GBGT1: variants seen among roughly 807,000 people sequenced by gnomAD.
GBGT1 encodes the protein globoside alpha-1,3-N-acetylgalactosaminyltransferase 1.
A neutral mutation model predicts 20.9 loss-of-function variants in GBGT1; 18 were observed. That is an observed-to-expected ratio of 0.86 (90% CI 0.60 to 1.28). The LOEUF (loss-of-function observed/expected upper bound fraction) is 1.28, where lower values mean the gene tolerates loss of function less well. Among genes scored for constraint, GBGT1 ranks in the 50% most tolerant of loss-of-function variants. The pLI, the probability that GBGT1 is intolerant of heterozygous loss-of-function variation, is 0.00. For synonymous variants in GBGT1, 168 were observed against 180.8 expected (o/e 0.93, Z 0.57); for missense variants, 432 against 455.7 (o/e 0.95, Z 0.47).
rs753817883 is a variant in GBGT1, at chr9:133,153,533, G to T, written c.*44C>A. On this transcript the variant is annotated 3_prime_UTR_variant, in exon 7 of 7. Transcript: ENST00000372040. ...GCACGCTAGTGAAGCACTGGTGGCT[G>T]CAGGTCTTTGGGTCCCCATCCATGG... The T allele has an allele frequency of 2.2e-6, 3 of 1,382,210 alleles. No individual in the cohort carries two copies. Among genetic ancestry groups the T allele is most frequent in the Non-Finnish European group, 3.0e-6 (3 of 1,011,990 alleles). The allele number at this position is 1,382,210 out of a possible 1,614,324, so 85.6% of individuals were successfully genotyped here.
At chr9:133,160,110 T>A (rs1448782135) in intron 3 of GBGT1, 1 of 323,388 alleles carries the variant, frequency 3.1e-6, no homozygotes, top group Non-Finnish European at 6.4e-6. Context: ...GCCAACATGA[T>A]GAAATGCTGT....
At position 133,153,863 on chromosome 9, in the gene GBGT1, T is replaced by C; in HGVS notation, c.758A>G (p.Asp253Gly). ...RRRVSTAFVA[D>G]SEGDFYYGGA... is the part of the protein sequence containing the mutation. ...ACCATAATAGAAGTCCCCTTCGCTG[T>C]CTGCCACAAAGGCAGTGGAAACACG... The change falls in exon 7 of 7, where the codon GAC (aspartate) becomes GGC (glycine). Residue 253 changes from aspartate to glycine, a missense_variant. Asp to Gly is a moderately conservative substitution (Grantham distance 94). Transcript: ENST00000372040. 2 of 1,600,438 alleles carry C rather than the reference T, an allele frequency of 1.2e-6. No homozygotes were observed. Among genetic ancestry groups the C allele is most frequent in the Non-Finnish European group, 8.5e-7 (1 of 1,170,064 alleles).
At chr9:133,156,545 A>T (rs1374784426) in intron 3 of GBGT1, among the ~76,000 whole-genome samples, 3 of 152,062 alleles carry the variant, frequency 2.0e-5, no homozygotes, top group South Asian at 2.1e-4. Flanking sequence ...CTGTAATCCC[A>T]GCTACTCGGG....
chr9:133,153,804 A>G lies in GBGT1; in HGVS notation c.817T>C (p.Tyr273His), dbSNP rs771269543. The change falls in exon 7 of 7, where the codon TAT (tyrosine) becomes CAT (histidine). Residue 273 changes from tyrosine to histidine, a missense_variant. Physicochemically the swap from Tyr to His is moderately conservative, Grantham distance 83 (BLOSUM62 2). Coordinates refer to ENST00000372040, the MANE Select transcript of GBGT1 (RefSeq NM_021996.6). ...ATGTGGCAGCCCCTAGTAAACTCAT[A>G]TACCCTGGCCACCTGCCCCCCGAAG... Reference protein sequence around the residue: ...AVFGGQVARVYEFTRGCHMAI... With the variant: ...AVFGGQVARVHEFTRGCHMAI... 10 of 1,595,610 alleles carry G rather than the reference A, an allele frequency of 6.3e-6. No individual in the cohort carries two copies. In the African/African-American group the frequency reaches 9.4e-5, roughly 15 times the overall value.
intron 3 of GBGT1, chr9:133,160,134 A>G: frequency 2.9e-6 from 1 of 347,916 alleles, no homozygotes; most frequent in Non-Finnish European, 5.8e-6. Flanking sequence ...TACTAAAAAT[A>G]CAAAAATTAG....
Position 133,154,043 on chromosome 9 carries a change from T to C in GBGT1, c.578A>G (p.Lys193Arg), listed in dbSNP as rs553136102. ...GTAGTCCACCTCCCGGTGAGCCCTC[T>C]TAGCAATGTGCTGGCTGATGGTCTC... The part of the protein sequence containing the change: ...RMETISQHIA[K>R]RAHREVDYLF... Residue 193 changes from lysine to arginine, a missense_variant, in exon 7 of 7, where the codon AAG (lysine) becomes AGG (arginine). Coordinates refer to ENST00000372040, the MANE Select transcript of GBGT1 (RefSeq NM_021996.6). The surrounding 1 kb of genome is among the most constrained non-coding windows in gnomAD (Gnocchi z 4.2). 3 of 1,613,762 alleles carry C rather than the reference T, an allele frequency of 1.9e-6. No homozygotes were observed. The highest frequency in any genetic ancestry group is 2.2e-5 in the East Asian group (1 of 44,886).
intron 2 of GBGT1, among the ~76,000 whole-genome samples, chr9:133,161,746 C>A (rs1019334987): frequency 5.9e-5 from 9 of 152,164 alleles, no homozygotes; most frequent in African/African-American, 2.2e-4. Flanking sequence ...CATTCATTCA[C>A]CCATAGAGTC....
chr9:133,155,075 T>G, intron 6 of GBGT1, 103 bp downstream of exon 6: 1 of 1,060,532 alleles, frequency 9.4e-7, no homozygotes, highest in South Asian at 1.5e-5. Context: ...GCCTCCCGGG[T>G]GCCCAGCAGG....
intron 1 of GBGT1, among the ~76,000 whole-genome samples, chr9:133,162,904 G>A (rs927545951): frequency 6.6e-6 from 1 of 152,184 alleles, no homozygotes; most frequent in Non-Finnish European, 1.5e-5. Flanking sequence ...CACCCACTGC[G>A]GTCATGTGGA....
At position 133,154,030 on chromosome 9, in the gene GBGT1, C is replaced by T. The variant is rs1314465049; in HGVS notation, c.591G>A (p.Arg197=). Residue 197 remains arginine, a synonymous_variant, in exon 7 of 7, where the codon CGG becomes CGA. Coordinates refer to ENST00000372040, the MANE Select transcript of GBGT1 (RefSeq NM_021996.6). The surrounding 1 kb of genome is among the most constrained non-coding windows in gnomAD (Gnocchi z 4.2). ...ISQHIAKRAH[R]EVDYLFCLDV... ...CAAGGCAGAAGAGGTAGTCCACCTC[C>T]CGGTGAGCCCTCTTAGCAATGTGCT... 6.2e-7 allele frequency: 1 copy of T among 1,613,824 alleles called. No individual in the cohort carries two copies. The highest frequency in any genetic ancestry group is 8.5e-7 in the Non-Finnish European group (1 of 1,180,000).
intron 5 of GBGT1, 61 bp from the exon 6 acceptor site, chr9:133,155,373 C>G: frequency 3.7e-6 from 6 of 1,600,478 alleles, no homozygotes; most frequent in Non-Finnish European, 5.1e-6. Flanking sequence ...AGTCTCATCC[C>G]AGCCCTGGCT....
chr9:133,156,243 A>T, intron 3 of GBGT1, 178 bp from the exon 4 acceptor site: 2 of 658,878 alleles, frequency 3.0e-6, no homozygotes, highest in Non-Finnish European at 5.3e-6. Context: ...ACCCCTACAG[A>T]AGTGATCTGT....
At chr9:133,157,320 T>C (rs1243101252) in intron 3 of GBGT1, among the ~76,000 whole-genome samples, 1 of 150,810 alleles carries the variant, frequency 6.6e-6, no homozygotes, top group Admixed American at 6.6e-5. Context: ...ACTTCACCTG[T>C]GGGCTGTGGT....
At chr9:133,162,633 T>G (rs35621330) in intron 1 of GBGT1, 101 bp from the exon 2 acceptor site, 5,868 of 568,444 alleles carry the variant, frequency 0.01, 44 homozygotes, top group Non-Finnish European at 0.014. Flanking sequence ...CCTCTTCTCT[T>G]GGGTTCAAGC....
In GBGT1 at chr9:133,153,724, G is replaced by C; in HGVS notation, c.897C>G (p.Ser299Arg). 1 of 1,613,808 alleles carries C rather than the reference G, an allele frequency of 6.2e-7. No homozygotes were observed. Among genetic ancestry groups the C allele is most frequent in the Non-Finnish European group, 8.5e-7 (1 of 1,179,910 alleles). ...TTGAGATGAAGTGACGGTTCAGGTG[G>C]CTTTCCTCCCGCCAGGCAGCCATGA... is the stretch of plus-strand genomic sequence containing the variant. ...NGIMAAWREE[S>R]HLNRHFISNK... is the part of the protein sequence containing the mutation. The change falls in exon 7 of 7, where the codon AGC (serine) becomes AGG (arginine). Residue 299 changes from serine to arginine, a missense_variant. Coordinates refer to ENST00000372040, the MANE Select transcript of GBGT1 (RefSeq NM_021996.6).
chr9:133,162,286 C>T (rs1174378617), intron 2 of GBGT1, 56 bp downstream of exon 2: 47 of 912,094 alleles, frequency 5.2e-5, no homozygotes, highest in Admixed American at 3.6e-4. Flanking sequence ...GGGATAGAGA[C>T]AGGGGGAGTC....
At position 133,154,690 on chromosome 9, in the gene GBGT1, T is replaced by C. The variant is rs1832817626; in HGVS notation, c.360-429A>G. 1 of 175,382 alleles carries C rather than the reference T, an allele frequency of 5.7e-6. No individual in the cohort carries two copies. The highest frequency in any genetic ancestry group is 1.2e-5 in the Non-Finnish European group (1 of 83,378). The allele number at this position is 175,382 out of a possible 1,614,324, so 10.9% of individuals were successfully genotyped here. ...GCTGGGGGCATGGAGGGGGGTGTGG[T>C]TGACACAGCCCTGCCCCCAGGCCAA... On this transcript the variant is annotated intron_variant, in intron 6 of 6. Transcript: ENST00000372040. This position sits in a 1 kb window ranked among gnomAD's most constrained non-coding sequence, Gnocchi z 4.2.
chr9:133,155,106 CT>C, intron 6 of GBGT1, 71 bp downstream of exon 6: 3 of 1,422,342 alleles, frequency 2.1e-6, no homozygotes, highest in Non-Finnish European at 3.0e-6. Flanking sequence ...CACGTCTGGT[CT>C]GGTCTCTTCC....
intron 2 of GBGT1, 26 bp downstream of exon 2, chr9:133,162,316 G>A: frequency 6.3e-7 from 1 of 1,579,578 alleles, no homozygotes; most frequent in East Asian, 2.3e-5. Context: ...GATAGAGACA[G>A]GGGGAGCTCC....
Sources: allele counts gnomAD v4.1 joint callset (sites outside exome capture counted in the v4.1 genomes callset), GRCh38; gene constraint gnomAD v4.1.1; non-coding constraint Gnocchi (gnomAD v3.1); transcripts MANE v1.5; gene names NCBI Gene and HGNC (gene_info 2026-07-23, HGNC 2026-07-21).